CSMD1: variants seen among roughly 807,000 people sequenced by gnomAD.
The protein encoded by CSMD1 is CUB and sushi domain-containing protein 1.
Under a neutral mutation model 417.5 loss-of-function variants are expected in CSMD1, and 213 were observed. The observed-to-expected ratio is 0.51, with a 90% CI of 0.46 to 0.57. The LOEUF is 0.57. CSMD1 is among the 20% of genes least tolerant of loss of function. The pLI is 0.00. For synonymous variants in CSMD1, 2,862 were observed against 1,736.8 expected (o/e 1.65, Z -16.11); for missense variants, 6,923 against 4,529.7 (o/e 1.53, Z -15.17).
At chr8:4,077,254 C>G in intron 3 of CSMD1, among the ~76,000 whole-genome samples, 1 of 136,544 alleles carries the variant, frequency 7.3e-6, no homozygotes, top group East Asian at 2.0e-4. Flanking sequence ...ACTGACACCT[C>G]CCACTGTAAA....
Position 3,999,586 on chromosome 8 carries a change from T to A in CSMD1, c.611-1476A>T, listed in dbSNP as rs775549155. Among the ~76,000 whole-genome samples, 151 of 152,274 alleles carry A rather than the reference T, an allele frequency of 9.9e-4. 2 individuals carry two copies. The highest frequency in any genetic ancestry group is 9.2e-4 in the Admixed American group (14 of 15,292). On this transcript the variant is annotated intron_variant, in intron 4 of 69. Transcript: ENST00000635120. ...TTTACTCAGAAGAATGCCAGGGGCATAGGGGTAGTTGACAGCACACGGTTT... is the reference window on the plus strand; with the variant it reads ...TTTACTCAGAAGAATGCCAGGGGCAAAGGGGTAGTTGACAGCACACGGTTT...
At chr8:4,737,989 G>A (rs1433468060) in intron 1 of CSMD1, among the ~76,000 whole-genome samples, 3 of 152,168 alleles carry the variant, frequency 2.0e-5, no homozygotes, top group African/African-American at 7.2e-5. Flanking sequence ...GCAAAGTAAT[G>A]ATAGCATATC....
At chr8:4,048,245 G>C (rs900874726) in intron 3 of CSMD1, among the ~76,000 whole-genome samples, 4 of 152,186 alleles carry the variant, frequency 2.6e-5, no homozygotes, top group Non-Finnish European at 4.4e-5. Flanking sequence ...ACTGAGATTA[G>C]AATGAAAAGT....
chr8:3,318,242 C>T (rs999866725), intron 23 of CSMD1, among the ~76,000 whole-genome samples: 19 of 151,916 alleles, frequency 1.3e-4, no homozygotes, highest in Non-Finnish European at 2.5e-4. Flanking sequence ...TAATGTTTTG[C>T]TTTTGTTCCA....
chr8:3,296,775 G>A (rs115279336), intron 25 of CSMD1, among the ~76,000 whole-genome samples: 4,097 of 152,182 alleles, frequency 0.027, 190 homozygotes, highest in African/African-American at 0.09. Flanking sequence ...TGGAAAAGTG[G>A]AGTTGTCATC....
intron 5 of CSMD1, among the ~76,000 whole-genome samples, chr8:3,815,043 C>T (rs866074356): frequency 6.6e-6 from 1 of 152,110 alleles, no homozygotes; most frequent in Admixed American, 6.5e-5. Flanking sequence ...AGAAGAGGCA[C>T]ATGAAGATGT....
chr8:4,926,536 C>G (rs539594882), intron 1 of CSMD1, among the ~76,000 whole-genome samples: 1 of 152,038 alleles, frequency 6.6e-6, no homozygotes, highest in African/African-American at 2.4e-5. Context: ...TTTAATTAAC[C>G]TCCTTATTTA....
rs778066503 is a variant in CSMD1, at chr8:3,468,821, G to C, written c.1452C>G (p.Leu484=). The change falls in exon 12 of 70, where the codon CTC becomes CTG. Residue 484 remains leucine (L), a synonymous_variant. Coordinates refer to ENST00000635120, the MANE Select transcript of CSMD1 (RefSeq NM_033225.6). The part of the protein sequence containing the change: ...VGDTRSVLYV[L]TGSSVPDLIV... ...TGAGGTCAGGAACACTGGATCCCGT[G>C]AGCCTGCAAGAAAGAGAAATGTCAA... is the stretch of plus-strand genomic sequence containing the variant. The C allele has an allele frequency of 2.5e-6, 4 of 1,584,682 alleles. No individual in the cohort carries two copies. Among genetic ancestry groups the C allele is most frequent in the South Asian group, 2.3e-5 (2 of 87,016 alleles).
At chr8:4,257,302 C>G (rs866298585) in intron 3 of CSMD1, among the ~76,000 whole-genome samples, 7 of 152,068 alleles carry the variant, frequency 4.6e-5, no homozygotes, top group Non-Finnish European at 1.0e-4. Flanking sequence ...TATTATTTTA[C>G]AATACAGTTT....
chr8:4,955,787 C>T (rs553312547), intron 1 of CSMD1, among the ~76,000 whole-genome samples: 4 of 151,718 alleles, frequency 2.6e-5, no homozygotes, highest in Non-Finnish European at 5.9e-5. Flanking sequence ...TAGGTGGTGG[C>T]GTAACAGTAC....
intron 32 of CSMD1, 23 bp downstream of exon 32, chr8:3,201,589 G>A (rs746237148): frequency 6.9e-7 from 1 of 1,444,592 alleles, no homozygotes; most frequent in Admixed American, 1.9e-5. Flanking sequence ...ACTAAATTAA[G>A]GGCAAAATTC....
intron 2 of CSMD1, among the ~76,000 whole-genome samples, chr8:4,611,308 G>A (rs1242434097): frequency 1.3e-5 from 2 of 152,160 alleles, no homozygotes; most frequent in Admixed American, 6.5e-5. Flanking sequence ...ATGAAAGTTT[G>A]TATTATTCCC....
chr8:4,057,069 T>A (rs1426835424), intron 3 of CSMD1, among the ~76,000 whole-genome samples: 3 of 152,162 alleles, frequency 2.0e-5, no homozygotes, highest in African/African-American at 7.2e-5. Context: ...GATGCCTGGG[T>A]CAAATGGTAT....
At chr8:4,365,511 C>T (rs908614985) in intron 3 of CSMD1, among the ~76,000 whole-genome samples, 3 of 152,162 alleles carry the variant, frequency 2.0e-5, no homozygotes, top group African/African-American at 7.2e-5. Flanking sequence ...CGAATCCAGG[C>T]GTTGTGATTA....
At chr8:3,021,895 G>A (rs1321715320) in intron 51 of CSMD1, among the ~76,000 whole-genome samples, 1 of 144,284 alleles carries the variant, frequency 6.9e-6, no homozygotes, top group Non-Finnish European at 1.5e-5. Context: ...GAATGCACCT[G>A]CAATCCCACA....
At chr8:4,764,881 A>ACAAACAAACAAAAAAAAAAAACAAAAC (rs1563326743) in intron 1 of CSMD1, among the ~76,000 whole-genome samples, 2 of 48,030 alleles carry the variant, frequency 4.2e-5, no homozygotes, top group African/African-American at 2.1e-4. Flanking sequence ...TCAAAAAAAA[A>ACAAACAAACAAAAAAAAAAAACAAAAC]AAAAAAAAAA....
chr8:3,271,543 C>A (rs1801854843), intron 26 of CSMD1, among the ~76,000 whole-genome samples: 12 of 150,486 alleles, frequency 8.0e-5, no homozygotes, highest in African/African-American at 2.7e-4. Flanking sequence ...ATAGTCCCAG[C>A]AACAGTGTAA....
At chr8:4,727,470 A>T (rs1223055386) in intron 1 of CSMD1, among the ~76,000 whole-genome samples, 1 of 152,210 alleles carries the variant, frequency 6.6e-6, no homozygotes, top group Non-Finnish European at 1.5e-5. Flanking sequence ...GGGGAAAACA[A>T]TAAAGAGAGA....
chr8:4,512,747 A>G (rs1386120271), intron 2 of CSMD1, among the ~76,000 whole-genome samples: 3 of 151,952 alleles, frequency 2.0e-5, no homozygotes, highest in Admixed American at 6.6e-5. Flanking sequence ...TACAAAATGT[A>G]TATGAAGAAC....
Sources: allele counts gnomAD v4.1 joint callset (sites outside exome capture counted in the v4.1 genomes callset), GRCh38; gene constraint gnomAD v4.1.1; transcripts MANE v1.5; gene names NCBI Gene and HGNC (gene_info 2026-07-23, HGNC 2026-07-21).